Variants in TMEM25 observed in about 807,000 individuals in gnomAD.
The protein encoded by TMEM25 is 0610039J01Rik.
In TMEM25, 36 loss-of-function variants were observed where a neutral mutation model predicts 37.0. The observed-to-expected ratio is 0.97, with a 90% CI of 0.75 to 1.28. The LOEUF (loss-of-function observed/expected upper bound fraction) is 1.28, where lower values mean the gene tolerates loss of function less well. TMEM25 is among the 50% of genes most tolerant of loss of function. The probability of loss-of-function intolerance (pLI) is 0.00; values close to 1 mark genes in which losing one functional copy is unlikely to be tolerated. For synonymous variants in TMEM25, 197 were observed against 203.7 expected, an observed-to-expected ratio of 0.97 and a Z score of 0.28; for missense variants, 444 against 477.9, an observed-to-expected ratio of 0.93 and a Z score of 0.66.
At chr11:118,541,738 C>T (rs964159325) in intron 8 of TMEM25, among the ~76,000 whole-genome samples, 2 of 151,880 alleles carry the variant, frequency 1.3e-5, no homozygotes, top group East Asian at 3.9e-4. Context: ...TCCATGTGTG[C>T]TCCATGTTTA....
At position 118,533,115 on chromosome 11, in the gene TMEM25, CG is replaced by C. The variant is rs782759803; in HGVS notation, c.583del (p.Val195CysfsTer82). 1.9e-6 allele frequency: 3 copies of C among 1,613,138 alleles called. No individual in the cohort carries two copies. In the African/African-American group the frequency reaches 4.0e-5, roughly 22 times the overall value. The part of the protein sequence containing the change: ...AQNYPWLTNH[T>X]VQLQLRSLAH... ...AACTACCCCTGGCTCACCAACCACACGGTGCAGCTGCAGCTCCGCAGCCTGG... is the reference window on the plus strand; with the variant it reads ...AACTACCCCTGGCTCACCAACCACACGTGCAGCTGCAGCTCCGCAGCCTGG... On this transcript the variant is annotated frameshift_variant, in exon 4 of 9. Coordinates refer to ENST00000313236, the MANE Select transcript of TMEM25 (RefSeq NM_032780.4). LOFTEE classifies it high-confidence loss of function.
At chr11:118,543,884 G>A (rs962299274) in intron 8 of TMEM25, among the ~76,000 whole-genome samples, 2 of 149,656 alleles carry the variant, frequency 1.3e-5, no homozygotes, top group Non-Finnish European at 2.9e-5. Flanking sequence ...TTAGCTCACT[G>A]TAACCTCCAC....
chr11:118,546,503 A>G (rs557346261), downstream of TMEM25: 5 of 219,728 alleles, frequency 2.3e-5, no homozygotes, highest in East Asian at 5.0e-4. Flanking sequence ...AAAGGAAGGA[A>G]GGGAGGGAGG....
chr11:118,540,202 C>T (rs530728822), downstream of TMEM25, among the ~76,000 whole-genome samples: 141 of 151,680 alleles, frequency 9.3e-4, no homozygotes, highest in African/African-American at 3.3e-3. Context: ...CTCCGCCTCC[C>T]GGGTTCTTGC....
At position 118,532,422 on chromosome 11, in the gene TMEM25, G is replaced by A; in HGVS notation, c.343G>A (p.Gly115Ser). The A allele has an allele frequency of 6.2e-7, 1 of 1,614,032 alleles. No individual in the cohort carries two copies. Among genetic ancestry groups the A allele is most frequent in the Non-Finnish European group, 8.5e-7 (1 of 1,179,940 alleles). The part of the protein sequence containing the change: ...LNCSLQDPRS[G>S]RSANASVILN... ...CTGCTCTCTGCAGGACCCCAGAAGTGGCCGATCAGCCAACGCCTCTGTCAT... is the reference window on the plus strand; with the variant it reads ...CTGCTCTCTGCAGGACCCCAGAAGTAGCCGATCAGCCAACGCCTCTGTCAT... Residue 115 changes from glycine (G) to serine (S), a missense_variant, in exon 3 of 9, where the codon GGC becomes AGC. Coordinates refer to ENST00000313236, the MANE Select transcript of TMEM25 (RefSeq NM_032780.4).
At chr11:118,536,266 T>C (rs1318886239), downstream of TMEM25, among the ~76,000 whole-genome samples, 1 of 151,902 alleles carries the variant, frequency 6.6e-6, no homozygotes, top group African/African-American at 2.4e-5. Flanking sequence ...TGATCTCGGC[T>C]CACCGCAACC....
In TMEM25 at chr11:118,532,958, G is replaced by T. The variant is rs1951361263; in HGVS notation, c.424G>T (p.Ala142Ser). Residue 142 changes from alanine (A) to serine (S), a missense_variant, in exon 4 of 9, where the codon GCT becomes TCT. Coordinates refer to ENST00000313236, the MANE Select transcript of TMEM25 (RefSeq NM_032780.4). ...IAQVGAKYQE[A>S]QGPGLLVVLF... ...CCAAGTCGGCGCCAAGTACCAGGAA[G>T]CTCAGGGCCCAGGCCTCCTGGTTGT... The T allele has an allele frequency of 1.9e-6, 3 of 1,614,186 alleles. No homozygotes were observed. Among genetic ancestry groups the T allele is most frequent in the Non-Finnish European group, 2.5e-6 (3 of 1,180,028 alleles).
At chr11:118,542,624 A>G (rs1397806705) in intron 8 of TMEM25, among the ~76,000 whole-genome samples, 1 of 151,718 alleles carries the variant, frequency 6.6e-6, no homozygotes, top group African/African-American at 2.4e-5. Flanking sequence ...ATATATATAA[A>G]AATTAAGCCT....
chr11:118,546,424 G>T, exon 9 of TMEM25: 1 of 427,622 alleles, frequency 2.3e-6, no homozygotes, highest in Non-Finnish European at 4.3e-6. Flanking sequence ...CCAGCAGGTT[G>T]AGGCTGCAGT....
At position 118,532,970 on chromosome 11, in the gene TMEM25, G is replaced by A. The variant is rs1555060118; in HGVS notation, c.436G>A (p.Gly146Ser). ...CAAGTACCAGGAAGCTCAGGGCCCA[G>A]GCCTCCTGGTTGTCCTGTTTGCCCT... ...GAKYQEAQGP[G>S]LLVVLFALVR... The change falls in exon 4 of 9, where the codon GGC becomes AGC. Residue 146 changes from glycine to serine, a missense_variant. Gly to Ser is a moderately conservative substitution (Grantham distance 56). Coordinates refer to ENST00000313236, the MANE Select transcript of TMEM25 (RefSeq NM_032780.4). 1.2e-6 allele frequency: 2 copies of A among 1,614,250 alleles called. No individual in the cohort carries two copies. The highest frequency in any genetic ancestry group is 3.3e-5 in the Admixed American group (2 of 60,034).
chr11:118,545,761 G>A (rs782448005), intron 8 of TMEM25: 2 of 1,603,594 alleles, frequency 1.2e-6, no homozygotes, highest in Non-Finnish European at 1.7e-6. Flanking sequence ...TCTATCCAGA[G>A]ATGGGGACGA....
intron 8 of TMEM25, chr11:118,544,748 T>C (rs889258303): frequency 1.7e-6 from 1 of 592,838 alleles, no homozygotes; most frequent in African/African-American, 1.9e-5. Flanking sequence ...GCAGGTTCAT[T>C]AAACAAACAT....
chr11:118,546,344 A>T, exon 9 of TMEM25: 1 of 577,544 alleles, frequency 1.7e-6, no homozygotes, highest in African/African-American at 1.9e-5. Flanking sequence ...CAAAAAAATT[A>T]GCCGGGTGTG....
At position 118,531,841 on chromosome 11, in the gene TMEM25, C is replaced by T. The variant is rs1047416091; in HGVS notation, c.40C>T (p.Leu14=). 3 of 1,551,450 alleles carry T rather than the reference C, an allele frequency of 1.9e-6. No homozygotes were observed. Among genetic ancestry groups the T allele is most frequent in the East Asian group, 2.4e-5 (1 of 40,928 alleles). ...PPGPAALRHT[L]LLLPALLSSG... is the part of the protein sequence containing the mutation. ...AGGCCCAGCCGCCCTCCGGCACACA[C>T]TGCTGCTCCTGCCAGCCCTTCTGAG... The change falls in exon 2 of 9, where the codon CTG becomes TTG. Residue 14 remains leucine, a synonymous_variant. Coordinates refer to ENST00000313236, the MANE Select transcript of TMEM25 (RefSeq NM_032780.4).
downstream of TMEM25, among the ~76,000 whole-genome samples, chr11:118,537,019 T>C (rs1483581706): frequency 1.3e-5 from 2 of 151,980 alleles, no homozygotes; most frequent in African/African-American, 2.4e-5. Context: ...GAACTGCAGG[T>C]GTGTGCCATT....
downstream of TMEM25, among the ~76,000 whole-genome samples, chr11:118,536,475 G>C (rs1555063570): frequency 1.3e-5 from 2 of 152,202 alleles, no homozygotes; most frequent in African/African-American, 4.8e-5. Context: ...TTACAGGCAT[G>C]AGCCACACTG....
At chr11:118,540,219 C>A (rs1333773488), downstream of TMEM25, among the ~76,000 whole-genome samples, 2 of 151,848 alleles carry the variant, frequency 1.3e-5, no homozygotes, top group African/African-American at 2.4e-5. Flanking sequence ...TTGCCATTCT[C>A]CTGCCTCAGC....
downstream of TMEM25, among the ~76,000 whole-genome samples, chr11:118,537,098 TG>T (rs1555063750): frequency 6.6e-6 from 1 of 152,136 alleles, no homozygotes; most frequent in Non-Finnish European, 1.5e-5. Flanking sequence ...CCTAGCACTT[TG>T]GGAGGCCGAG....
chr11:118,541,615 G>A (rs1241118506), intron 8 of TMEM25, among the ~76,000 whole-genome samples: 1 of 151,910 alleles, frequency 6.6e-6, no homozygotes, highest in Non-Finnish European at 1.5e-5. Context: ...GATACACAGG[G>A]TACATGTGCA....
Sources: allele counts gnomAD v4.1 joint callset (sites outside exome capture counted in the v4.1 genomes callset), GRCh38; gene constraint gnomAD v4.1.1; transcripts MANE v1.5; gene names NCBI Gene and HGNC (gene_info 2026-07-23, HGNC 2026-07-21).